Variants in SARS1 observed in about 807,000 individuals in gnomAD.
SARS1 encodes the protein seryl-tRNA synthetase 1.
In SARS1, 25 loss-of-function variants were observed where a neutral mutation model predicts 63.7. The observed-to-expected ratio is 0.39, with a 90% CI of 0.29 to 0.55. SARS1 has a LOEUF of 0.55. SARS1 is among the 20% of genes least tolerant of loss of function. SARS1 has a pLI of 0.62. For synonymous variants in SARS1, 231 were observed against 243.5 expected (o/e 0.95, Z 0.48); for missense variants, 417 against 649.7 (o/e 0.64, Z 3.89).
intron 6 of SARS1, among the ~76,000 whole-genome samples, chr1:109,233,539 G>C (rs1295237603): frequency 1.3e-5 from 2 of 151,614 alleles, no homozygotes; most frequent in Non-Finnish European, 2.9e-5. Flanking sequence ...AAATGGCAGA[G>C]GGAATTATCT....
Position 109,214,735 on chromosome 1 carries a change from A to G in SARS1, c.136+607A>G. The G allele has an allele frequency of 1.0e-6, 1 of 985,486 alleles. No homozygotes were observed. Among genetic ancestry groups the G allele is most frequent in the South Asian group, 4.7e-5 (1 of 21,292 alleles). 61.0% of individuals were successfully genotyped at this position (985,486 alleles called of 1,614,324 possible). A position where few individuals can be genotyped will look rare whatever the true frequency, so the allele number is the denominator to read the frequency against. Reference sequence around the variant, plus strand: ...ATTAGAAAAGTCTTTTCCGTGGTAGATCAAACGCGAGGGGAGTGAGGAGGC... The same window carrying G: ...ATTAGAAAAGTCTTTTCCGTGGTAGGTCAAACGCGAGGGGAGTGAGGAGGC... On this transcript the variant is annotated intron_variant, in intron 1 of 10. Transcript: ENST00000234677. This position sits in a 1 kb window ranked among gnomAD's most constrained non-coding sequence, Gnocchi z 4.6.
At chr1:109,218,133 C>T (rs1654834612) in intron 1 of SARS1, among the ~76,000 whole-genome samples, 1 of 140,626 alleles carries the variant, frequency 7.1e-6, no homozygotes, top group Admixed American at 7.8e-5. Context: ...GCAGAGCTTG[C>T]AGTGAGCTGA....
chr1:109,220,753 G>T (rs1654908579), intron 1 of SARS1, among the ~76,000 whole-genome samples: 1 of 151,902 alleles, frequency 6.6e-6, no homozygotes, highest in South Asian at 2.1e-4. Flanking sequence ...TGTCTATTGT[G>T]TTTCCAAAAC....
rs759770038 is a variant in SARS1, at chr1:109,235,250, A to G, written c.788A>G (p.Tyr263Cys). Reference sequence around the variant, plus strand: ...AGTGAAAAGTCTGATGACAACTCCTATGATGAGAAGTACCTGATTGCCACC... The same window carrying G: ...AGTGAAAAGTCTGATGACAACTCCTGTGATGAGAAGTACCTGATTGCCACC... ...KGSEKSDDNS[Y>C]DEKYLIATSE... The change falls in exon 7 of 11, where the codon TAT becomes TGT. Residue 263 changes from tyrosine to cysteine, a missense_variant. Physicochemically the swap from Tyr to Cys is radical, Grantham distance 194. Transcript: ENST00000234677. This position sits in a 1 kb window ranked among gnomAD's most constrained non-coding sequence, Gnocchi z 4.7. 6.8e-5 allele frequency: 110 copies of G among 1,614,040 alleles called. No individual in the cohort carries two copies. The highest frequency in any genetic ancestry group is 8.1e-5 in the Non-Finnish European group (95 of 1,180,030).
Position 109,229,529 on chromosome 1 carries a change from T to C in SARS1, c.404T>C (p.Ile135Thr). The C allele has an allele frequency of 6.2e-7, 1 of 1,613,568 alleles. No homozygotes were observed. Among genetic ancestry groups the C allele is most frequent in the Non-Finnish European group, 8.5e-7 (1 of 1,179,874 alleles). ...GAGCGGTTTGAGAACCTCCGAGAGATTGGGAACCTTCTGCACCCTTCTGTA... is the reference window on the plus strand; with the variant it reads ...GAGCGGTTTGAGAACCTCCGAGAGACTGGGAACCTTCTGCACCCTTCTGTA... ...EAERFENLRE[I>T]GNLLHPSVPI... is the part of the protein sequence containing the mutation. Residue 135 changes from isoleucine to threonine, a missense_variant, in exon 4 of 11, where the codon ATT becomes ACT. This residue lies in a region of SARS1 where 359 missense variants were observed against 529.6 expected (regional missense o/e 0.68). Coordinates refer to ENST00000234677, the MANE Select transcript of SARS1 (RefSeq NM_006513.4).
At chr1:109,215,884 G>A (rs1372859153) in intron 1 of SARS1, 1 of 364,682 alleles carries the variant, frequency 2.7e-6, no homozygotes, top group Non-Finnish European at 3.8e-6. Flanking sequence ...TTTTTTTTTA[G>A]TTGAGATGGG....
intron 2 of SARS1, among the ~76,000 whole-genome samples, chr1:109,225,679 C>T (rs1323153942): frequency 6.6e-6 from 1 of 152,172 alleles, no homozygotes; most frequent in Non-Finnish European, 1.5e-5. Context: ...TGGTTTTGAT[C>T]CTTACTGCAG....
intron 1 of SARS1, chr1:109,215,392 T>C (rs1654760332): frequency 1.0e-6 from 1 of 985,360 alleles, no homozygotes; most frequent in South Asian, 4.7e-5. Flanking sequence ...GCTAGTCTTT[T>C]GGGTATAATG....
intron 4 of SARS1, 150 bp from the exon 5 acceptor site, chr1:109,230,728 C>T (rs1655190983): frequency 1.9e-6 from 1 of 532,332 alleles, no homozygotes; most frequent in African/African-American, 2.0e-5. Flanking sequence ...TCACTGGAGC[C>T]TGGAAGGTTG....
chr1:109,221,960 T>TTTTTTGTGTGTG (rs771565091), intron 1 of SARS1, among the ~76,000 whole-genome samples: 1 of 10,074 alleles, frequency 9.9e-5, no homozygotes, highest in African/African-American at 1.5e-4. Context: ...GCTAATTTTT[T>TTTTTTGTGTGTG]TGTGTGTGTG....
intron 1 of SARS1, chr1:109,215,164 G>T: frequency 1.0e-6 from 1 of 985,436 alleles, no homozygotes; most frequent in African/African-American, 1.7e-5. Context: ...GTTTTGTGCT[G>T]ATTCTATGTC....
At chr1:109,230,726 G>T (rs1207082041) in intron 4 of SARS1, 152 bp from the exon 5 acceptor site, 4 of 521,788 alleles carry the variant, frequency 7.7e-6, no homozygotes, top group African/African-American at 6.0e-5. Context: ...GATCACTGGA[G>T]CCTGGAAGGT....
At chr1:109,233,484 C>CTT (rs11375361) in intron 6 of SARS1, among the ~76,000 whole-genome samples, 132 of 146,178 alleles carry the variant, frequency 9.0e-4, no homozygotes, top group Middle Eastern at 7.1e-3. Context: ...TTCTTCCTTA[C>CTT]TTTTTTTTTT....
rs760928522 is a variant in SARS1, at chr1:109,235,306, G to T, written c.844G>T (p.Asp282Tyr). 2 of 1,614,102 alleles carry T rather than the reference G, an allele frequency of 1.2e-6. No homozygotes were observed. Among genetic ancestry groups the T allele is most frequent in the Non-Finnish European group, 1.7e-6 (2 of 1,180,030 alleles). ...SEQPIAALHR[D>Y]EWLRPEDLPI... ...GCAGCCCATTGCTGCCCTGCACCGGGATGAGTGGCTCCGGCCGGAGGACCT... is the reference window on the plus strand; with the variant it reads ...GCAGCCCATTGCTGCCCTGCACCGGTATGAGTGGCTCCGGCCGGAGGACCT... The change falls in exon 7 of 11, where the codon GAT (aspartate) becomes TAT (tyrosine). Residue 282 changes from aspartate to tyrosine, a missense_variant. Transcript: ENST00000234677. This position sits in a 1 kb window ranked among gnomAD's most constrained non-coding sequence, Gnocchi z 4.7.
rs1030047583 is a variant in SARS1 at position 109,214,698 on chromosome 1, A to G, written c.136+570A>G. 1 of 985,446 alleles carries G rather than the reference A, an allele frequency of 1.0e-6. No individual in the cohort carries two copies. The highest frequency in any genetic ancestry group is 1.7e-5 in the African/African-American group (1 of 57,258). 61.0% of individuals were successfully genotyped at this position (985,446 alleles called of 1,614,324 possible). On this transcript the variant is annotated intron_variant, in intron 1 of 10. Transcript: ENST00000234677. This position sits in a 1 kb window ranked among gnomAD's most constrained non-coding sequence, Gnocchi z 4.6. ...GAAGGCCATCCCCCGACCTATGGGC[A>G]TACCTTTAAGAATTAGAAAAGTCTT...
chr1:109,227,144 G>A (rs1352891574), intron 2 of SARS1, among the ~76,000 whole-genome samples: 2 of 151,758 alleles, frequency 1.3e-5, no homozygotes, highest in Middle Eastern at 3.4e-3. Context: ...ACAGGTGTCT[G>A]CTACCGCGCC....
chr1:109,221,171 C>T (rs1654919992), intron 1 of SARS1, among the ~76,000 whole-genome samples: 1 of 151,988 alleles, frequency 6.6e-6, no homozygotes, highest in Non-Finnish European at 1.5e-5. Flanking sequence ...AGCGATTCTC[C>T]TGCCTCAGCC....
intron 2 of SARS1, 42 bp from the exon 3 acceptor site, chr1:109,228,310 T>C (rs1431642590): frequency 7.2e-7 from 1 of 1,397,968 alleles, no homozygotes; most frequent in Non-Finnish European, 1.0e-6. Flanking sequence ...TGCCAGAGAT[T>C]TTCTTTTATT....
Position 109,235,579 on chromosome 1 carries a change from G to A in SARS1, c.969+148G>A, listed in dbSNP as rs1327706482. 5 of 697,530 alleles carry A rather than the reference G, an allele frequency of 7.2e-6. No homozygotes were observed. The Admixed American group carries it at 8.0e-5, about 11-fold the overall frequency. The allele number at this position is 697,530 out of a possible 1,614,324, so 43.2% of individuals were successfully genotyped here. ...CTGTGTTTCTGGGGAAGTGCATGGTGGAGTGGCGTGGATTATGGACCCTGA... is the reference window on the plus strand; with the variant it reads ...CTGTGTTTCTGGGGAAGTGCATGGTAGAGTGGCGTGGATTATGGACCCTGA... On this transcript the variant is annotated intron_variant, in intron 7 of 10. Coordinates refer to ENST00000234677, the MANE Select transcript of SARS1 (RefSeq NM_006513.4). This position sits in a 1 kb window ranked among gnomAD's most constrained non-coding sequence, Gnocchi z 4.7.
Sources: allele counts gnomAD v4.1 joint callset (sites outside exome capture counted in the v4.1 genomes callset), GRCh38; gene constraint gnomAD v4.1.1; regional missense constraint gnomAD v4.1.1; non-coding constraint Gnocchi (gnomAD v3.1); transcripts MANE v1.5; gene names NCBI Gene and HGNC (gene_info 2026-07-23, HGNC 2026-07-21).